The following ATXN7L2 variants were observed in gnomAD, a reference collection of about 807,000 sequenced individuals.
The protein encoded by ATXN7L2 is ataxin-7-like protein 2.
Under a neutral mutation model 59.6 loss-of-function variants are expected in ATXN7L2, and 17 were observed. The observed-to-expected ratio is 0.29, with a 90% CI of 0.20 to 0.43. ATXN7L2 has a LOEUF of 0.43. Ranked by LOEUF, ATXN7L2 falls within the 20% of genes least tolerant of loss-of-function variation. The probability of loss-of-function intolerance (pLI) is 1.00; values close to 1 mark genes in which losing one functional copy is unlikely to be tolerated. For synonymous variants in ATXN7L2, 378 were observed against 392.5 expected (o/e 0.96, Z 0.44); for missense variants, 858 against 1,008.9 (o/e 0.85, Z 2.03).
chr1:109,491,487 G>A lies in ATXN7L2; in HGVS notation c.2020G>A (p.Ala674Thr), dbSNP rs759008632. The change falls in exon 10 of 11, where the codon GCT (alanine) becomes ACT (threonine). Residue 674 changes from alanine (A) to threonine (T), a missense_variant. Transcript: ENST00000683729. This position sits in a 1 kb window ranked among gnomAD's most constrained non-coding sequence, Gnocchi z 4.1. ...SPHQLPTPVK[A>T]SQLENRGAAG... The stretch of plus-strand genomic sequence containing the variant: ...TCATCAGCTCCCCACACCAGTCAAG[G>A]CTTCTCAGCTGGAGAACCGGGGAGC... 1.2e-6 allele frequency: 2 copies of A among 1,614,000 alleles called. No individual in the cohort carries two copies. Among genetic ancestry groups the A allele is most frequent in the East Asian group, 2.2e-5 (1 of 44,892 alleles).
At chr1:109,485,853 C>T (rs1656549887) in intron 1 of ATXN7L2, 1 of 1,225,552 alleles carries the variant, frequency 8.2e-7, no homozygotes, top group African/African-American at 1.6e-5. Flanking sequence ...AATGGACCCA[C>T]TGAAAGGTTC....
At chr1:109,489,416 A>G (rs1656852023) in intron 7 of ATXN7L2, 1 of 426,798 alleles carries the variant, frequency 2.3e-6, no homozygotes, top group East Asian at 4.3e-5. Context: ...TGGGCAAGGC[A>G]GCCCTATGTG....
In ATXN7L2 at chr1:109,487,027, A is replaced by G; in HGVS notation, c.319A>G (p.Ser107Gly). Residue 107 changes from serine (S) to glycine (G), a missense_variant, in exon 4 of 11, where the codon AGC (serine) becomes GGC (glycine). Physicochemically the swap from Ser to Gly is moderately conservative, Grantham distance 56 (BLOSUM62 0). Around this residue, in one of 3 missense-constraint regions of ATXN7L2, gnomAD observed 734 missense variants for 862.3 expected, o/e 0.85. Transcript: ENST00000683729. ...KHCERRHGPL[S>G]KLYGRAPPPP... is the part of the protein sequence containing the mutation. ...GACAGAAAGAAGACATGGGCCCCTCAGCAAGCTTTATGGCCGGGCCCCACC... is the reference window on the plus strand; with the variant it reads ...GACAGAAAGAAGACATGGGCCCCTCGGCAAGCTTTATGGCCGGGCCCCACC... 6.2e-7 allele frequency: 1 copy of G among 1,600,778 alleles called. No homozygotes were observed. Among genetic ancestry groups the G allele is most frequent in the East Asian group, 2.2e-5 (1 of 44,606 alleles).
chr1:109,485,732 A>G (rs1656539186), intron 1 of ATXN7L2: 1 of 1,043,814 alleles, frequency 9.6e-7, no homozygotes, highest in Non-Finnish European at 1.2e-6. Context: ...TAGCAGTGGA[A>G]CCCTAAACTG....
Position 109,486,025 on chromosome 1 carries a change from C to T in ATXN7L2, c.128-32C>T. 1 of 1,537,754 alleles carries T rather than the reference C, an allele frequency of 6.5e-7. No individual in the cohort carries two copies. Among genetic ancestry groups the T allele is most frequent in the Non-Finnish European group, 8.7e-7 (1 of 1,147,318 alleles). On this transcript the variant is annotated intron_variant, in intron 1 of 10. Coordinates refer to ENST00000683729, the MANE Select transcript of ATXN7L2 (RefSeq NM_001350175.2). The surrounding 1 kb of genome is among the most constrained non-coding windows in gnomAD (Gnocchi z 4.3). ...AGGCTGGAGACTCTCTAAAACTGGC[C>T]CTGACCCTTCTGAGCTGTGTTTCTC...
At chr1:109,489,156 CA>C (rs560744155) in intron 7 of ATXN7L2, 56 bp downstream of exon 7, 24 of 1,563,370 alleles carry the variant, frequency 1.5e-5, no homozygotes, top group Non-Finnish European at 1.9e-5. Context: ...CCTAAGCCAT[CA>C]GGGGCCCCTG....
At chr1:109,485,602 G>C (rs1370018694) in intron 1 of ATXN7L2, 1 of 985,738 alleles carries the variant, frequency 1.0e-6, no homozygotes, top group African/African-American at 1.7e-5. Flanking sequence ...AGGACCCATC[G>C]AGAAATCTCA....
rs1571089405 is a variant in ATXN7L2, at chr1:109,490,017, C to T, written c.1221C>T (p.Pro407=). The T allele has an allele frequency of 1.2e-6, 2 of 1,613,084 alleles. No individual in the cohort carries two copies. The highest frequency in any genetic ancestry group is 1.7e-6 in the Non-Finnish European group (2 of 1,179,590). Residue 407 remains proline (P), a synonymous_variant, in exon 8 of 11, where the codon CCC becomes CCT. Transcript: ENST00000683729. ...GDPGLFPFPM[P]RGGTQASSEE... Reference sequence around the variant, plus strand: ...CAGGCCTGTTCCCCTTCCCCATGCCCCGGGGTGGGACCCAGGCCTCCAGCG... The same window carrying T: ...CAGGCCTGTTCCCCTTCCCCATGCCTCGGGGTGGGACCCAGGCCTCCAGCG...
intron 10 of ATXN7L2, 26 bp from the exon 11 acceptor site, chr1:109,492,560 T>C: frequency 6.2e-7 from 1 of 1,613,882 alleles, no homozygotes; most frequent in Non-Finnish European, 8.5e-7. Flanking sequence ...CCCTGACCCT[T>C]TCTCTCGCCT....
In ATXN7L2 at chr1:109,487,772, G is replaced by A. The variant is rs762724236; in HGVS notation, c.764G>A (p.Arg255Lys). 2.0e-5 allele frequency: 32 copies of A among 1,609,604 alleles called. No homozygotes were observed. Among genetic ancestry groups the A allele is most frequent in the Non-Finnish European group, 2.5e-5 (30 of 1,178,380 alleles). ...CCTGAAAAGGAGCCCAGTGGGACCA[G>A]GCTGCCCCCTAAAACCCACCGGAAG... Reference protein sequence around the residue: ...SPPEKEPSGTRLPPKTHRKMA... With the variant: ...SPPEKEPSGTKLPPKTHRKMA... The change falls in exon 5 of 11, where the codon AGG becomes AAG. Residue 255 changes from arginine (R) to lysine (K), a missense_variant. Around this residue, in one of 3 missense-constraint regions of ATXN7L2, gnomAD observed 734 missense variants for 862.3 expected, o/e 0.85. Transcript: ENST00000683729.
chr1:109,490,928 C>G lies in ATXN7L2; in HGVS notation c.1461C>G (p.Ile487Met). ...RHLSTHMWKK[I>M]PPAAEPPAHL... ...GGCTTTCTTTTTGCTGCAGGAAGAT[C>G]CCACCGGCAGCTGAACCTCCAGCTC... The change falls in exon 10 of 11, where the codon ATC (isoleucine) becomes ATG (methionine). Residue 487 changes from isoleucine (I) to methionine (M), a missense_variant. Ile to Met is a conservative substitution (Grantham distance 10, BLOSUM62 1). Around this residue, in one of 3 missense-constraint regions of ATXN7L2, gnomAD observed 734 missense variants for 862.3 expected, o/e 0.85. Transcript: ENST00000683729. The G allele has an allele frequency of 6.5e-7, 1 of 1,548,886 alleles. No homozygotes were observed. Among genetic ancestry groups the G allele is most frequent in the Non-Finnish European group, 8.7e-7 (1 of 1,147,282 alleles).
chr1:109,484,576 G>GTCCA (rs1276066105), intron 1 of ATXN7L2, among the ~76,000 whole-genome samples: 1 of 151,282 alleles, frequency 6.6e-6, no homozygotes, highest in Non-Finnish European at 1.5e-5. Flanking sequence ...TAGTTCGTCC[G>GTCCA]TCCATCCATC....
At position 109,488,335 on chromosome 1, in the gene ATXN7L2, A is replaced by C; in HGVS notation, c.797-48A>C. On this transcript the variant is annotated intron_variant, in intron 5 of 10. Coordinates refer to ENST00000683729, the MANE Select transcript of ATXN7L2 (RefSeq NM_001350175.2). This position sits in a 1 kb window ranked among gnomAD's most constrained non-coding sequence, Gnocchi z 5.0. ...CAGGAAGCGGCCAAATCCTCCTGTAAACTCCTGGAAATGGTCTTGAGGTTC... is the reference window on the plus strand; with the variant it reads ...CAGGAAGCGGCCAAATCCTCCTGTACACTCCTGGAAATGGTCTTGAGGTTC... 6.5e-7 allele frequency: 1 copy of C among 1,536,120 alleles called. No homozygotes were observed. Among genetic ancestry groups the C allele is most frequent in the Non-Finnish European group, 8.9e-7 (1 of 1,126,946 alleles).
chr1:109,488,758 C>T lies in ATXN7L2; in HGVS notation c.880-89C>T. 1 of 1,473,506 alleles carries T rather than the reference C, an allele frequency of 6.8e-7. No individual in the cohort carries two copies. The allele number at this position is 1,473,506 out of a possible 1,614,324, so 91.3% of individuals were successfully genotyped here. On this transcript the variant is annotated intron_variant, in intron 6 of 10. Transcript: ENST00000683729. This position sits in a 1 kb window ranked among gnomAD's most constrained non-coding sequence, Gnocchi z 5.0. ...ATATGCCCACCTCTCTCCCTGCCCCCCAACTTGCCCGGGCCAAAGCACCCT... is the reference window on the plus strand; with the variant it reads ...ATATGCCCACCTCTCTCCCTGCCCCTCAACTTGCCCGGGCCAAAGCACCCT...
intron 10 of ATXN7L2, 48 bp from the exon 11 acceptor site, chr1:109,492,538 G>A (rs1391157204): frequency 2.5e-6 from 4 of 1,612,800 alleles, no homozygotes; most frequent in Non-Finnish European, 2.5e-6. Flanking sequence ...TAGGACAGCT[G>A]GTAGGCCCCC....
intron 5 of ATXN7L2, 110 bp downstream of exon 5, chr1:109,487,914 C>G: frequency 4.5e-6 from 6 of 1,319,584 alleles, no homozygotes; most frequent in Non-Finnish European, 6.1e-6. Flanking sequence ...CTGGCCATCA[C>G]AGGTTGTAGG....
chr1:109,491,713 T>G lies in ATXN7L2; in HGVS notation c.2246T>G (p.Leu749Arg). The G allele has an allele frequency of 6.3e-7, 1 of 1,591,358 alleles. No homozygotes were observed. Among genetic ancestry groups the G allele is most frequent in the Non-Finnish European group, 8.6e-7 (1 of 1,166,128 alleles). The change falls in exon 10 of 11, where the codon CTG (leucine) becomes CGG (arginine). Residue 749 changes from leucine (L) to arginine (R), a missense_variant. Around this residue, in one of 3 missense-constraint regions of ATXN7L2, gnomAD observed 734 missense variants for 862.3 expected, o/e 0.85. Transcript: ENST00000683729. This position sits in a 1 kb window ranked among gnomAD's most constrained non-coding sequence, Gnocchi z 4.1. The part of the protein sequence containing the change: ...ALAFEEKCST[L>R]KSKAH ...GCCTTTGAGGAGAAGTGCTCTACAC[T>G]GAAGGTACCAGCCAGGCTCCCTGAA...
Position 109,488,390 on chromosome 1 carries a change from G to C in ATXN7L2, c.804G>C (p.Glu268Asp), listed in dbSNP as rs1283875047. The C allele has an allele frequency of 1.8e-5, 28 of 1,599,118 alleles. No homozygotes were observed. Among genetic ancestry groups the C allele is most frequent in the Non-Finnish European group, 2.4e-5 (28 of 1,170,552 alleles). ...GAAGTGCTTTCCCCACAGGGAAGGA[G>C]TGCGACCTCAACAGGCAGTGTGGGG... is the stretch of plus-strand genomic sequence containing the variant. ...PKTHRKMARK[E>D]CDLNRQCGVI... Residue 268 changes from glutamate (E) to aspartate (D), a missense_variant, in exon 6 of 11, where the codon GAG (glutamate) becomes GAC (aspartate). Coordinates refer to ENST00000683729, the MANE Select transcript of ATXN7L2 (RefSeq NM_001350175.2). The surrounding 1 kb of genome is among the most constrained non-coding windows in gnomAD (Gnocchi z 5.0).
chr1:109,492,476 C>A, intron 10 of ATXN7L2, 110 bp from the exon 11 acceptor site: 7 of 1,438,984 alleles, frequency 4.9e-6, no homozygotes, highest in South Asian at 3.8e-5. Context: ...ACTCACCAGG[C>A]CAGCAGAAGG....
Sources: allele counts gnomAD v4.1 joint callset (sites outside exome capture counted in the v4.1 genomes callset), GRCh38; gene constraint gnomAD v4.1.1; regional missense constraint gnomAD v4.1.1; non-coding constraint Gnocchi (gnomAD v3.1); transcripts MANE v1.5; gene names NCBI Gene and HGNC (gene_info 2026-07-23, HGNC 2026-07-21).